The following PCDH15 variants were observed in gnomAD, a reference collection of about 807,000 sequenced individuals.
PCDH15 encodes the protein protocadherin related 15.
PCDH15 carries 129 observed loss-of-function variants against 178.5 expected under a neutral mutation model. That is an observed-to-expected ratio of 0.72 (90% confidence interval 0.63 to 0.84). PCDH15 has a LOEUF of 0.84. Ranked by LOEUF, PCDH15 falls within the 40% of genes least tolerant of loss-of-function variation. The probability of loss-of-function intolerance (pLI) is 0.00; values close to 1 mark genes in which losing one functional copy is unlikely to be tolerated. For missense variants in PCDH15, 2,230 were observed against 2,099.9 expected (o/e 1.06, Z -1.21); for synonymous variants, 800 against 732.0 (o/e 1.09, Z -1.50).
intron 2 of PCDH15, among the ~76,000 whole-genome samples, chr10:55,353,079 T>C (rs1169986912): frequency 6.6e-6 from 1 of 152,124 alleles, no homozygotes; most frequent in Non-Finnish European, 1.5e-5. Context: ...AAGTTTTGCC[T>C]CATCTACCAT....
intron 2 of PCDH15, among the ~76,000 whole-genome samples, chr10:55,622,456 A>T (rs1235717737): frequency 6.6e-6 from 1 of 152,012 alleles, no homozygotes; most frequent in African/African-American, 2.4e-5. Flanking sequence ...GAAAAAACAT[A>T]GTTATATAAA....
At chr10:54,289,817 T>C (rs1159854070) in intron 8 of PCDH15, among the ~76,000 whole-genome samples, 1 of 151,836 alleles carries the variant, frequency 6.6e-6, no homozygotes, top group Non-Finnish European at 1.5e-5. Flanking sequence ...ATCAAATTAA[T>C]GAAATAAAGT....
At chr10:54,598,775 T>C (rs2134040573) in intron 2 of PCDH15, among the ~76,000 whole-genome samples, 1 of 152,194 alleles carries the variant, frequency 6.6e-6, no homozygotes, top group Admixed American at 6.6e-5. Flanking sequence ...TTCAGCAAAG[T>C]ATCAAGGTAT....
At chr10:54,866,812 G>T (rs1202340449) in intron 3 of PCDH15, among the ~76,000 whole-genome samples, 1 of 151,998 alleles carries the variant, frequency 6.6e-6, no homozygotes, top group African/African-American at 2.4e-5. Flanking sequence ...TTAACAACTT[G>T]GCATCTGTAA....
chr10:54,184,889 C>T (rs1564627677), intron 12 of PCDH15, among the ~76,000 whole-genome samples: 1 of 148,148 alleles, frequency 6.8e-6, no homozygotes, highest in Non-Finnish European at 1.5e-5. Context: ...TTCTCACTTT[C>T]TTTTTTTTTT....
chr10:54,211,469 C>A (rs992163031), intron 10 of PCDH15, among the ~76,000 whole-genome samples: 1 of 152,006 alleles, frequency 6.6e-6, no homozygotes, highest in African/African-American at 2.4e-5. Context: ...GTGAACTATT[C>A]CATTTTGTCT....
intron 5 of PCDH15, among the ~76,000 whole-genome samples, chr10:54,353,350 A>G (rs1156453658): frequency 4.6e-5 from 7 of 152,188 alleles, no homozygotes; most frequent in Non-Finnish European, 8.8e-5. Flanking sequence ...GAAAAGAGGT[A>G]TAGCCCTTTT....
At chr10:55,225,676 G>T (rs1027825192) in intron 1 of PCDH15, among the ~76,000 whole-genome samples, 1 of 140,286 alleles carries the variant, frequency 7.1e-6, no homozygotes, top group African/African-American at 2.6e-5. Flanking sequence ...AGAGAGAAAC[G>T]GAGAGAGAAG....
intron 1 of PCDH15, among the ~76,000 whole-genome samples, chr10:54,686,041 A>ATTTTTTTTTTTTT (rs66539612): frequency 1.1e-4 from 14 of 126,878 alleles, no homozygotes; most frequent in East Asian, 2.3e-4. Context: ...AAGACAGCCA[A>ATTTTTTTTTTTTT]TTTTTTTTTT....
intron 3 of PCDH15, among the ~76,000 whole-genome samples, chr10:54,461,245 T>A (rs1481884519): frequency 6.6e-6 from 1 of 152,160 alleles, no homozygotes; most frequent in African/African-American, 2.4e-5. Context: ...GAATACATAT[T>A]TGTGCTATTG....
At chr10:54,635,878 A>G (rs1355029087) in intron 2 of PCDH15, among the ~76,000 whole-genome samples, 1 of 151,866 alleles carries the variant, frequency 6.6e-6, no homozygotes, top group South Asian at 2.1e-4. Flanking sequence ...TATTATGGTC[A>G]TATATCACTT....
intron 14 of PCDH15, among the ~76,000 whole-genome samples, chr10:54,140,767 C>G (rs781645513): frequency 1.2e-4 from 18 of 152,174 alleles, no homozygotes; most frequent in Non-Finnish European, 2.2e-4. Context: ...ACTGCAACCT[C>G]CACCTCCCAG....
chr10:54,910,835 G>T (rs796527181), intron 2 of PCDH15, among the ~76,000 whole-genome samples: 22 of 152,282 alleles, frequency 1.4e-4, no homozygotes, highest in African/African-American at 5.1e-4. Flanking sequence ...GCAGAGATTG[G>T]ATCCAATATT....
At chr10:54,555,514 G>A (rs779414155) in intron 2 of PCDH15, among the ~76,000 whole-genome samples, 13 of 151,266 alleles carry the variant, frequency 8.6e-5, no homozygotes, top group African/African-American at 2.4e-4. Flanking sequence ...GGCAGATCAC[G>A]AGCTCAGGAG....
rs919977237 is a variant in PCDH15 at position 54,820,022 on chromosome 10, A to T, written c.-29+77428T>A. ...GTCAAAATAAGTTTCTGGAAAAAAA[A>T]AATCAAGCAATGGTCAAGAAATCAT... On this transcript the variant is annotated intron_variant, in intron 3 of 5. Transcript: ENST00000458638. Among the ~76,000 whole-genome samples the T allele has an allele frequency of 1.8e-4, 28 of 152,240 alleles. 1 individual carries two copies. Among genetic ancestry groups the T allele is most frequent in the African/African-American group, 6.7e-4 (28 of 41,586 alleles).
chr10:55,025,562 T>A (rs974525638), intron 2 of PCDH15, among the ~76,000 whole-genome samples: 2 of 152,122 alleles, frequency 1.3e-5, no homozygotes, highest in Non-Finnish European at 2.9e-5. Context: ...TTCTTATAAT[T>A]CTTCTGTGAA....
intron 1 of PCDH15, among the ~76,000 whole-genome samples, chr10:55,243,170 C>T: frequency 6.6e-6 from 1 of 152,152 alleles, no homozygotes; most frequent in Non-Finnish European, 1.5e-5. Flanking sequence ...TATCAGTTAG[C>T]AGCTATGCTC....
intron 2 of PCDH15, among the ~76,000 whole-genome samples, chr10:55,107,347 C>T (rs1413592782): frequency 6.6e-6 from 1 of 152,108 alleles, no homozygotes; most frequent in African/African-American, 2.4e-5. Flanking sequence ...GAAATGTTAA[C>T]AACAGGCTTA....
intron 13 of PCDH15, among the ~76,000 whole-genome samples, chr10:54,181,302 T>C (rs990340145): frequency 4.6e-5 from 7 of 152,210 alleles, no homozygotes; most frequent in African/African-American, 1.7e-4. Context: ...TCTTTATTCA[T>C]TCAATATTAC....
Sources: gnomAD v4.1 joint callset for allele counts (sites outside exome capture counted in the v4.1 genomes callset) on GRCh38, gnomAD v4.1.1 for gene constraint, MANE v1.5 for transcripts, NCBI Gene and HGNC (gene_info 2026-07-23, HGNC 2026-07-21) for gene names.